The following COL28A1 variants were observed in gnomAD, a reference collection of about 807,000 sequenced individuals.
COL28A1 encodes collagen type XXVIII alpha 1 chain, also known as collagen alpha-1(XXVIII) chain.
A neutral mutation model predicts 150.2 loss-of-function variants in COL28A1; 161 were observed. The ratio of observed to expected loss-of-function variants is 1.07; its 90% CI spans 0.94 to 1.22. COL28A1 has a LOEUF of 1.22. Ranked by LOEUF, COL28A1 falls within the 50% of genes most tolerant of loss-of-function variation. The probability of loss-of-function intolerance (pLI) is 0.00; values close to 1 mark genes in which losing one functional copy is unlikely to be tolerated. For missense variants in COL28A1, 1,617 were observed against 1,388.3 expected (o/e 1.16, Z -2.62); for synonymous variants, 552 against 469.7 (o/e 1.18, Z -2.26).
At chr7:7,383,573 C>T (rs568573684) in intron 27 of COL28A1, among the ~76,000 whole-genome samples, 45 of 151,306 alleles carry the variant, frequency 3.0e-4, no homozygotes, top group African/African-American at 1.1e-3. Flanking sequence ...GCCACCACAC[C>T]TGGCTGATAT....
intron 2 of COL28A1, 53 bp downstream of exon 2, chr7:7,532,699 A>G (rs1346927560): frequency 1.9e-6 from 3 of 1,571,036 alleles, no homozygotes; most frequent in East Asian, 2.2e-5. Flanking sequence ...AAAAATTCAC[A>G]TAAGTATTTT....
intron 13 of COL28A1, among the ~76,000 whole-genome samples, chr7:7,478,859 G>A (rs1055703344): frequency 3.9e-5 from 6 of 152,254 alleles, no homozygotes; most frequent in Non-Finnish European, 8.8e-5. Context: ...CCAAGCCCAT[G>A]CCCACCCGGA....
chr7:7,348,762 G>A, the COL28A1 span, among the ~76,000 whole-genome samples: 1 of 151,660 alleles, frequency 6.6e-6, no homozygotes, highest in Admixed American at 6.6e-5. Flanking sequence ...TTCCTTCTAA[G>A]TACTGCTTTA....
At chr7:7,517,237 T>A (rs929245334) in intron 7 of COL28A1, among the ~76,000 whole-genome samples, 3 of 152,050 alleles carry the variant, frequency 2.0e-5, no homozygotes, top group African/African-American at 7.2e-5. Flanking sequence ...AGAGGGGCAA[T>A]GTCATATGGT....
chr7:7,360,430 G>A lies in COL28A1; in HGVS notation c.3165C>T (p.Thr1055=). ...CAGGGGTGCTGAGCAGTGGCCTGGG[G>A]GTGGTGGTGGCCTCAGATGAGGTAG... The part of the protein sequence containing the change: ...PATTSSEATT[T]PRPLLSTPVD... Residue 1055 remains threonine, a synonymous_variant, in exon 34 of 35, where the codon ACC becomes ACT. Coordinates refer to ENST00000399429, the MANE Select transcript of COL28A1 (RefSeq NM_001037763.3). The A allele has an allele frequency of 6.2e-7, 1 of 1,608,014 alleles. No individual in the cohort carries two copies. The highest frequency in any genetic ancestry group is 8.5e-7 in the Non-Finnish European group (1 of 1,178,298).
At chr7:7,382,052 G>C (rs1440698993) in intron 27 of COL28A1, among the ~76,000 whole-genome samples, 1 of 152,188 alleles carries the variant, frequency 6.6e-6, no homozygotes, top group East Asian at 1.9e-4. Flanking sequence ...GCTCATGCCT[G>C]TAATCCCAGC....
At chr7:7,528,030 T>C (rs1171198330) in intron 3 of COL28A1, among the ~76,000 whole-genome samples, 1 of 152,164 alleles carries the variant, frequency 6.6e-6, no homozygotes, top group African/African-American at 2.4e-5. Context: ...TCATAATTAA[T>C]AGATTAAGAA....
At chr7:7,480,524 C>T (rs1436529820) in intron 13 of COL28A1, among the ~76,000 whole-genome samples, 4 of 151,766 alleles carry the variant, frequency 2.6e-5, no homozygotes, top group African/African-American at 9.7e-5. Context: ...ACCAAAAGTG[C>T]CAAGCCAACA....
chr7:7,377,738 G>A (rs1781636252), intron 30 of COL28A1, among the ~76,000 whole-genome samples: 2 of 149,742 alleles, frequency 1.3e-5, no homozygotes, highest in African/African-American at 2.5e-5. Flanking sequence ...GAGCTCTGGT[G>A]GAACTTTTAT....
At chr7:7,391,780 AGACTAG>A (rs1782556073) in intron 27 of COL28A1, among the ~76,000 whole-genome samples, 2 of 146,152 alleles carry the variant, frequency 1.4e-5, no homozygotes, top group South Asian at 4.4e-4. Flanking sequence ...GTTTTATCAG[AGACTAG>A]GATTGCAACC....
chr7:7,517,715 C>G (rs1357341489), intron 7 of COL28A1, 81 bp downstream of exon 7: 2 of 1,606,432 alleles, frequency 1.2e-6, no homozygotes, highest in East Asian at 4.5e-5. Flanking sequence ...TGCACTTGCA[C>G]TAAGGGGGTC....
chr7:7,510,943 A>G, intron 9 of COL28A1, 148 bp downstream of exon 9: 2 of 678,372 alleles, frequency 2.9e-6, no homozygotes, highest in African/African-American at 1.8e-5. Flanking sequence ...TTTGTTTTCT[A>G]CCACATGTTT....
chr7:7,435,067 G>A (rs1785244723), intron 23 of COL28A1, among the ~76,000 whole-genome samples: 1 of 152,138 alleles, frequency 6.6e-6, no homozygotes. Flanking sequence ...TTAGAGTCCA[G>A]GGGAGTAGCA....
downstream of COL28A1, among the ~76,000 whole-genome samples, chr7:7,352,748 C>T (rs1026742530): frequency 6.6e-6 from 1 of 152,170 alleles, no homozygotes; most frequent in Non-Finnish European, 1.5e-5. Context: ...AAAATTATAA[C>T]ATAACACATT....
chr7:7,385,531 A>T (rs1782132969), intron 27 of COL28A1, among the ~76,000 whole-genome samples: 1 of 152,198 alleles, frequency 6.6e-6, no homozygotes, highest in African/African-American at 2.4e-5. Flanking sequence ...TACTCAGAAT[A>T]ATTATTTCTT....
intron 33 of COL28A1, among the ~76,000 whole-genome samples, chr7:7,367,225 A>T (rs922875890): frequency 6.6e-6 from 1 of 152,232 alleles, no homozygotes; most frequent in Non-Finnish European, 1.5e-5. Flanking sequence ...AGTAGGCTAT[A>T]CTATCTAGAT....
chr7:7,426,899 G>A (rs149912858), intron 25 of COL28A1, among the ~76,000 whole-genome samples: 13 of 152,244 alleles, frequency 8.5e-5, no homozygotes, highest in African/African-American at 2.2e-4. Context: ...TGCCCCTTAC[G>A]ACAGTGAGAA....
chr7:7,396,710 G>C (rs547361178), intron 27 of COL28A1, among the ~76,000 whole-genome samples: 1 of 152,300 alleles, frequency 6.6e-6, no homozygotes, highest in East Asian at 1.9e-4. Flanking sequence ...TACCTGGCCA[G>C]AATACAATCC....
At position 7,417,941 on chromosome 7, in the gene COL28A1, G is replaced by A. The variant is rs990378454; in HGVS notation, c.2068-14C>T. 2 of 1,598,110 alleles carry A rather than the reference G, an allele frequency of 1.3e-6. No homozygotes were observed. Among genetic ancestry groups the A allele is most frequent in the Admixed American group, 3.6e-5 (2 of 56,104 alleles). On this transcript the variant is annotated splice_polypyrimidine_tract_variant and intron_variant, in intron 26 of 34. Transcript: ENST00000399429. The stretch of plus-strand genomic sequence containing the variant: ...CCCAGTATCACCCTGTTAGAAGATG[G>A]GGAGAATTTGAAGACAAAATGTAAG...
Sources: gnomAD v4.1 joint callset for allele counts (sites outside exome capture counted in the v4.1 genomes callset) on GRCh38, gnomAD v4.1.1 for gene constraint, MANE v1.5 for transcripts, NCBI Gene and HGNC (gene_info 2026-07-23, HGNC 2026-07-21) for gene names.